ZNF845: variants seen among roughly 807,000 people sequenced by gnomAD.
ZNF845 encodes zinc finger protein 845.
Under a neutral mutation model 76.1 loss-of-function variants are expected in ZNF845, and 59 were observed. The ratio of observed to expected loss-of-function variants is 0.78; its 90% CI spans 0.63 to 0.96. The LOEUF is 0.96. Ranked by LOEUF, ZNF845 falls within the 40% of genes least tolerant of loss-of-function variation. The pLI, the probability that ZNF845 is intolerant of heterozygous loss-of-function variation, is 0.00. For missense variants in ZNF845, 1,045 were observed against 1,172.8 expected (o/e 0.89, Z 1.59); for synonymous variants, 361 against 386.9 (o/e 0.93, Z 0.78).
Position 53,356,811 on chromosome 19 carries a change from C to T in ZNF845, c.*3223C>T, listed in dbSNP as rs1257815214. 2 of 150,984 alleles carry T rather than the reference C, an allele frequency of 1.3e-5. No homozygotes were observed. The highest frequency in any genetic ancestry group is 1.3e-4 in the Admixed American group (2 of 15,130). The allele number at this position is 150,984 out of a possible 1,614,324, so 9.4% of individuals were successfully genotyped here. A position where few individuals can be genotyped will look rare whatever the true frequency, so the allele number is the denominator to read the frequency against. On this transcript the variant is annotated 3_prime_UTR_variant, in exon 4 of 4. Coordinates refer to ENST00000458035, the MANE Select transcript of ZNF845 (RefSeq NM_138374.3). Reference sequence around the variant, plus strand: ...GGGCGAGGTGGCAGGCACCTGTAGTCCCAGCTACTCGGGAGGTTGAGGCAG... The same window carrying T: ...GGGCGAGGTGGCAGGCACCTGTAGTTCCAGCTACTCGGGAGGTTGAGGCAG...
In ZNF845 at chr19:53,351,304, T is replaced by A. The variant is rs61752582; in HGVS notation, c.629T>A (p.Met210Lys). 3.7e-6 allele frequency: 6 copies of A among 1,614,182 alleles called. No homozygotes were observed. The highest frequency in any genetic ancestry group is 5.1e-6 in the Non-Finnish European group (6 of 1,180,028). Residue 210 changes from methionine to lysine, a missense_variant, in exon 4 of 4, where the codon ATG becomes AAG. By Grantham distance (95) the Met-to-Lys change is moderately conservative. Transcript: ENST00000458035. ...SLLTQKQEVH[M>K]REKSFQCNES... ...CTCACACAAAAGCAGGAAGTACACA[T>A]GAGAGAAAAATCTTTCCAATGTAAT...
chr19:53,337,861 G>A (rs371128323), intron 1 of ZNF845, among the ~76,000 whole-genome samples: 174 of 152,042 alleles, frequency 1.1e-3, no homozygotes, highest in Non-Finnish European at 2.0e-3. Flanking sequence ...CACCGCGCCC[G>A]CCCCAATTTT....
At chr19:53,342,046 A>G (rs1599973520) in intron 2 of ZNF845, among the ~76,000 whole-genome samples, 2 of 151,896 alleles carry the variant, frequency 1.3e-5, no homozygotes, top group Admixed American at 1.3e-4. Flanking sequence ...TGGGAGCAGT[A>G]CTTCATTTTT....
Position 53,354,271 on chromosome 19 carries a change from G to A in ZNF845, c.*683G>A. ...GATTGTTCCAAATGCAATGAGTATA[G>A]CAAACCATCAAGCATTAATTGGCAT... On this transcript the variant is annotated 3_prime_UTR_variant, in exon 4 of 4. Coordinates refer to ENST00000458035, the MANE Select transcript of ZNF845 (RefSeq NM_138374.3). 2.2e-6 allele frequency: 1 copy of A among 449,828 alleles called. No homozygotes were observed. The highest frequency in any genetic ancestry group is 1.7e-5 in the South Asian group (1 of 58,150). 27.9% of individuals were successfully genotyped at this position (449,828 alleles called of 1,614,324 possible).
chr19:53,344,985 A>G (rs2085284346), intron 2 of ZNF845, among the ~76,000 whole-genome samples: 1 of 152,134 alleles, frequency 6.6e-6, no homozygotes, highest in Non-Finnish European at 1.5e-5. Flanking sequence ...ATCCACAAAC[A>G]TCAGAAATTC....
rs56683540 is a variant in ZNF845 at position 53,345,584 on chromosome 19, C to T, written c.94C>T (p.Leu32=). The part of the protein sequence containing the change: ...WKCLDPAQRT[L]YRDVMLENYR... ...GTGCCTGGACCCTGCTCAGAGGACT[C>T]TATACAGGGACGTGATGCTGGAGAA... Residue 32 remains leucine (L), a synonymous_variant, in exon 3 of 4, where the codon CTA becomes TTA. Coordinates refer to ENST00000458035, the MANE Select transcript of ZNF845 (RefSeq NM_138374.3). The T allele has an allele frequency of 0.096, 154,937 of 1,611,298 alleles. 8,171 individuals carry two copies. The highest frequency in any genetic ancestry group is 0.19 in the Middle Eastern group (1,139 of 6,034).
rs2085364596 is a variant in ZNF845 at position 53,353,830 on chromosome 19, GA to G, written c.*245del. 2 of 1,431,364 alleles carry G rather than the reference GA, an allele frequency of 1.4e-6. No homozygotes were observed. Among genetic ancestry groups the G allele is most frequent in the Non-Finnish European group, 9.4e-7 (1 of 1,062,606 alleles). The allele number at this position is 1,431,364 out of a possible 1,614,324, so 88.7% of individuals were successfully genotyped here. A position where few individuals can be genotyped will look rare whatever the true frequency, so the allele number is the denominator to read the frequency against. On this transcript the variant is annotated 3_prime_UTR_variant, in exon 4 of 4. Coordinates refer to ENST00000458035, the MANE Select transcript of ZNF845 (RefSeq NM_138374.3). Reference sequence around the variant, plus strand: ...ACCATCAGGCAATCCATGGTATAGGGAAACTTTACTAATGTAATGATTATCA... The same window carrying G: ...ACCATCAGGCAATCCATGGTATAGGGAACTTTACTAATGTAATGATTATCA...
chr19:53,345,099 C>T (rs953403699), intron 2 of ZNF845, among the ~76,000 whole-genome samples: 2 of 152,088 alleles, frequency 1.3e-5, no homozygotes, highest in South Asian at 2.1e-4. Context: ...AGGTGGATCA[C>T]GAGGTCAGGA....
chr19:53,333,812 GTGTT>G lies in ZNF845; in HGVS notation c.-74+21_-74+24del, dbSNP rs2147025196. On this transcript the variant is annotated intron_variant, in intron 1 of 3. Transcript: ENST00000458035. ...GCAGCGGTGAGTTTTGCTCTGTGTTGTGTTAAGTCTGCGCTTCCCAAGTCCCCGG... is the reference window on the plus strand; with the variant it reads ...GCAGCGGTGAGTTTTGCTCTGTGTTGAAGTCTGCGCTTCCCAAGTCCCCGG... 6.3e-6 allele frequency: 1 copy of G among 158,860 alleles called. No homozygotes were observed. The highest frequency in any genetic ancestry group is 1.7e-4 in the South Asian group (1 of 5,814). The allele number at this position is 158,860 out of a possible 1,614,324, so 9.8% of individuals were successfully genotyped here.
chr19:53,351,114 C>T lies in ZNF845; in HGVS notation c.439C>T (p.His147Tyr). ...TCAGCTTGGATCAAGCTTTCATTCG[C>T]ATCTGCCTGAACTCCACATGTTTCA... ...KDQLGSSFHS[H>Y]LPELHMFQTE... Residue 147 changes from histidine (H) to tyrosine (Y), a missense_variant, in exon 4 of 4, where the codon CAT (histidine) becomes TAT (tyrosine). Transcript: ENST00000458035. 1.9e-6 allele frequency: 3 copies of T among 1,614,214 alleles called. No homozygotes were observed. The highest frequency in any genetic ancestry group is 1.7e-6 in the Non-Finnish European group (2 of 1,180,036).
At chr19:53,346,575 G>A (rs909555235) in intron 3 of ZNF845, among the ~76,000 whole-genome samples, 3 of 152,206 alleles carry the variant, frequency 2.0e-5, no homozygotes, top group Non-Finnish European at 2.9e-5. Context: ...CAGTTACTCA[G>A]GAGGCTGACA....
intron 3 of ZNF845, among the ~76,000 whole-genome samples, chr19:53,349,006 G>A (rs1255425013): frequency 1.3e-5 from 2 of 151,472 alleles, no homozygotes; most frequent in African/African-American, 2.4e-5. Context: ...ACAGGCTCCC[G>A]CCACCATGCC....
intron 3 of ZNF845, 23 bp downstream of exon 3, chr19:53,345,655 A>C (rs2085290046): frequency 6.2e-7 from 1 of 1,611,164 alleles, no homozygotes; most frequent in Non-Finnish European, 8.5e-7. Flanking sequence ...TCCCTCCAGA[A>C]GTGGGGATGT....
At position 53,345,483 on chromosome 19, in the gene ZNF845, C is replaced by G. The variant is rs181164523; in HGVS notation, c.16-23C>G. ...TAAGAACTCCTCCCATAACCATTTC[C>G]TTAAAATGTGTTTTCATTTCAGGGT... On this transcript the variant is annotated intron_variant, in intron 2 of 3. Coordinates refer to ENST00000458035, the MANE Select transcript of ZNF845 (RefSeq NM_138374.3). The G allele has an allele frequency of 1.4e-4, 228 of 1,613,554 alleles. 1 individual carries two copies. In the African/African-American group the frequency reaches 2.1e-3, roughly 15 times the overall value.
At chr19:53,345,443 C>T in intron 2 of ZNF845, 63 bp from the exon 3 acceptor site, 1 of 1,611,746 alleles carries the variant, frequency 6.2e-7, no homozygotes, top group Non-Finnish European at 8.5e-7. Context: ...CTCCTCTTCT[C>T]ATTTCGTGTA....
rs542837376 is a variant in ZNF845, at chr19:53,339,526, A to G, written c.-73-1709A>G. On this transcript the variant is annotated intron_variant, in intron 1 of 3. Transcript: ENST00000458035. ...TCTGACACTCATTGCCTGCAATTCT[A>G]TCGGTTTGCACCATCCCAAGACCCA... Among the ~76,000 whole-genome samples the G allele has an allele frequency of 1.8e-4, 28 of 152,240 alleles. 1 individual carries two copies. Among genetic ancestry groups the G allele is most frequent in the South Asian group, 2.1e-4 (1 of 4,828 alleles).
chr19:53,353,137 A>G lies in ZNF845; in HGVS notation c.2462A>G (p.His821Arg). 6.2e-7 allele frequency: 1 copy of G among 1,612,198 alleles called. No homozygotes were observed. Among genetic ancestry groups the G allele is most frequent in the Non-Finnish European group, 8.5e-7 (1 of 1,178,436 alleles). ...NFRHNSALVI[H>R]KAIHSGEKPY... is the part of the protein sequence containing the mutation. ...CGTCACAATTCAGCCCTTGTAATTC[A>G]TAAGGCAATTCATAGTGGAGAGAAA... The change falls in exon 4 of 4, where the codon CAT (histidine) becomes CGT (arginine). Residue 821 changes from histidine to arginine, a missense_variant. His to Arg is a conservative substitution (Grantham distance 29). Transcript: ENST00000458035.
chr19:53,356,081 T>G lies in ZNF845; in HGVS notation c.*2493T>G, dbSNP rs1568746497. Reference sequence around the variant, plus strand: ...TGGAAAAATACATATTATGAAAAATTTGTGCATAAATTTCACACTTTTTGT... The same window carrying G: ...TGGAAAAATACATATTATGAAAAATGTGTGCATAAATTTCACACTTTTTGT... On this transcript the variant is annotated 3_prime_UTR_variant, in exon 4 of 4. Transcript: ENST00000458035. 1 of 152,164 alleles carries G rather than the reference T, an allele frequency of 6.6e-6. No homozygotes were observed. Among genetic ancestry groups the G allele is most frequent in the African/African-American group, 2.4e-5 (1 of 41,434 alleles). The allele number at this position is 152,164 out of a possible 1,614,324, so 9.4% of individuals were successfully genotyped here.
In ZNF845 at chr19:53,351,458, T is replaced by C. The variant is rs2085334870; in HGVS notation, c.783T>C (p.His261=). Residue 261 remains histidine (H), a synonymous_variant, in exon 4 of 4, where the codon CAT becomes CAC. Transcript: ENST00000458035. ...VFNQKRYLAC[H]RRCHTGKKPY... Reference sequence around the variant, plus strand: ...ATCAAAAGCGATATCTTGCATGTCATCGTAGATGTCACACTGGCAAGAAAC... The same window carrying C: ...ATCAAAAGCGATATCTTGCATGTCACCGTAGATGTCACACTGGCAAGAAAC... The C allele has an allele frequency of 9.3e-6, 15 of 1,614,118 alleles. No homozygotes were observed. Among genetic ancestry groups the C allele is most frequent in the Non-Finnish European group, 1.3e-5 (15 of 1,180,042 alleles).
Sources: allele counts gnomAD v4.1 joint callset (sites outside exome capture counted in the v4.1 genomes callset), GRCh38; gene constraint gnomAD v4.1.1; transcripts MANE v1.5; gene names NCBI Gene and HGNC (gene_info 2026-07-23, HGNC 2026-07-21).